The following CPA6 variants were observed in gnomAD, a reference collection of about 807,000 sequenced individuals.
CPA6 encodes carboxypeptidase B.
Under a neutral mutation model 63.3 loss-of-function variants are expected in CPA6, and 58 were observed. That is an observed-to-expected ratio of 0.92 (90% confidence interval 0.74 to 1.14). The LOEUF (loss-of-function observed/expected upper bound fraction) is 1.14. CPA6 is among the 50% of genes most tolerant of loss of function. The pLI is 0.00. For missense variants in CPA6, 565 were observed against 526.6 expected (o/e 1.07, Z -0.71); for synonymous variants, 185 against 179.0 (o/e 1.03, Z -0.27).
At chr8:67,511,283 C>T (rs1206713635) in intron 4 of CPA6, among the ~76,000 whole-genome samples, 6 of 152,102 alleles carry the variant, frequency 3.9e-5, no homozygotes, top group African/African-American at 1.4e-4. Context: ...CATTGTGCTT[C>T]CTATGTCCTA....
rs557978673 is a variant in CPA6 at position 67,692,463 on chromosome 8, A to G, written c.116+53551T>C. ...TATAATTTTTTTCCATGAGTCTAAC[A>G]TAATACATTTCACCACTCTGCTATT... On this transcript the variant is annotated intron_variant, in intron 1 of 10. Coordinates refer to ENST00000297770, the MANE Select transcript of CPA6 (RefSeq NM_020361.5). 9.3e-4 allele frequency among the ~76,000 whole-genome samples: 141 copies of G among 152,286 alleles called. 1 individual carries two copies. The highest frequency in any genetic ancestry group is 3.2e-3 in the African/African-American group (135 of 41,564).
At chr8:67,547,955 A>T (rs1008979740) in intron 2 of CPA6, among the ~76,000 whole-genome samples, 4 of 152,234 alleles carry the variant, frequency 2.6e-5, no homozygotes, top group Non-Finnish European at 5.9e-5. Context: ...ATAGGATTTT[A>T]AAGTTTCATT....
At position 67,556,214 on chromosome 8, in the gene CPA6, G is replaced by A. The variant is rs144954887; in HGVS notation, c.193-38167C>T. 6.4e-3 allele frequency among the ~76,000 whole-genome samples: 981 copies of A among 152,300 alleles called. 10 individuals are homozygous for A. The highest frequency in any genetic ancestry group is 0.022 in the African/African-American group (932 of 41,566). On this transcript the variant is annotated intron_variant, in intron 2 of 10. Coordinates refer to ENST00000297770, the MANE Select transcript of CPA6 (RefSeq NM_020361.5). ...ATAAGGGATTTATTATGGGAGATGG[G>A]GTTTCTGCGTTCGTAGGAGCTCAGG...
chr8:67,503,409 T>G (rs1424146940), intron 6 of CPA6, among the ~76,000 whole-genome samples: 1 of 150,976 alleles, frequency 6.6e-6, no homozygotes, highest in African/African-American at 2.4e-5. Context: ...AGGTCCTCCC[T>G]CCTCAGCCTC....
At chr8:67,521,542 T>C (rs767846183) in intron 2 of CPA6, among the ~76,000 whole-genome samples, 11 of 152,256 alleles carry the variant, frequency 7.2e-5, no homozygotes, top group Non-Finnish European at 1.0e-4. Context: ...TTTCTTATTA[T>C]TGCTATTTGA....
intron 2 of CPA6, among the ~76,000 whole-genome samples, chr8:67,555,935 G>A (rs142542573): frequency 1.3e-5 from 2 of 152,138 alleles, no homozygotes; most frequent in Non-Finnish European, 2.9e-5. Flanking sequence ...CAAGAAGTGT[G>A]TAAGGAACTA....
intron 2 of CPA6, among the ~76,000 whole-genome samples, chr8:67,573,460 C>A (rs1055152552): frequency 6.6e-6 from 1 of 152,104 alleles, no homozygotes; most frequent in Non-Finnish European, 1.5e-5. Context: ...AAATCAGTGG[C>A]ATTTCTCTAC....
intron 8 of CPA6, among the ~76,000 whole-genome samples, chr8:67,442,375 GTAATGTAATA>G (rs1810313131): frequency 6.6e-6 from 1 of 151,850 alleles, no homozygotes; most frequent in Middle Eastern, 3.5e-3. Flanking sequence ...GTAATATAGT[GTAATGTAATA>G]TAATGTAATA....
chr8:67,453,344 T>A (rs1810597514), intron 8 of CPA6, among the ~76,000 whole-genome samples: 1 of 152,134 alleles, frequency 6.6e-6, no homozygotes, highest in South Asian at 2.1e-4. Flanking sequence ...TCCATGGGTT[T>A]AAGGCCTGAG....
intron 1 of CPA6, among the ~76,000 whole-genome samples, chr8:67,660,900 C>T (rs1360770890): frequency 6.6e-6 from 1 of 152,130 alleles, no homozygotes; most frequent in African/African-American, 2.4e-5. Flanking sequence ...CCTTGGTTGT[C>T]ACAGAATTCT....
chr8:67,598,009 G>C (rs1293904121), intron 2 of CPA6, among the ~76,000 whole-genome samples: 1 of 152,192 alleles, frequency 6.6e-6, no homozygotes, highest in Non-Finnish European at 1.5e-5. Context: ...ATTTTAGGAT[G>C]TGAGATTTTT....
At chr8:67,475,828 T>C (rs1344033921) in intron 8 of CPA6, among the ~76,000 whole-genome samples, 1 of 52,558 alleles carries the variant, frequency 1.9e-5, no homozygotes, top group Non-Finnish European at 3.7e-5. Flanking sequence ...CTTTCTTTTC[T>C]TTCTTTCTTT....
rs540282992 is a variant in CPA6, at chr8:67,682,061, T to C, written c.117-57810A>G. ...TGACTTTTTTCCCTCCAGCTTCTTT[T>C]AGGATTTTCTCTTTATTTGTGGTTT... On this transcript the variant is annotated intron_variant, in intron 1 of 10. Coordinates refer to ENST00000297770, the MANE Select transcript of CPA6 (RefSeq NM_020361.5). 7.2e-5 allele frequency among the ~76,000 whole-genome samples: 11 copies of C among 152,312 alleles called. No homozygotes were observed. In the East Asian group the frequency reaches 2.1e-3, roughly 29 times the overall value.
intron 5 of CPA6, among the ~76,000 whole-genome samples, chr8:67,509,047 A>C (rs1811989900): frequency 6.6e-6 from 1 of 152,098 alleles, no homozygotes; most frequent in East Asian, 1.9e-4. Flanking sequence ...AAGAGAGCGA[A>C]GGGGGAAGTG....
At chr8:67,630,748 G>GGCT (rs1409106728) in intron 1 of CPA6, among the ~76,000 whole-genome samples, 4 of 152,212 alleles carry the variant, frequency 2.6e-5, no homozygotes, top group African/African-American at 9.6e-5. Context: ...CAGGAACCAG[G>GGCT]GCTGCGCACG....
chr8:67,442,787 C>T (rs1810322074), intron 8 of CPA6, among the ~76,000 whole-genome samples: 1 of 152,116 alleles, frequency 6.6e-6, no homozygotes, highest in Non-Finnish European at 1.5e-5. Context: ...CCACTTGCTA[C>T]CCTCTGGATC....
intron 1 of CPA6, among the ~76,000 whole-genome samples, chr8:67,726,476 A>G (rs962186490): frequency 6.6e-6 from 1 of 152,130 alleles, no homozygotes; most frequent in African/African-American, 2.4e-5. Context: ...ATGGTGCAAG[A>G]AACTGCTGGC....
chr8:67,637,697 T>G (rs1192693430), intron 1 of CPA6, among the ~76,000 whole-genome samples: 1 of 151,460 alleles, frequency 6.6e-6, no homozygotes, highest in African/African-American at 2.5e-5. Flanking sequence ...ACCTTATTAT[T>G]ATAAGGTAAC....
chr8:67,558,585 G>A (rs969554764), intron 2 of CPA6, among the ~76,000 whole-genome samples: 5 of 152,192 alleles, frequency 3.3e-5, no homozygotes, highest in Admixed American at 6.5e-5. Flanking sequence ...AGCCTACTCA[G>A]AACAAGTGGG....
Sources: allele counts gnomAD v4.1 joint callset (sites outside exome capture counted in the v4.1 genomes callset), GRCh38; gene constraint gnomAD v4.1.1; transcripts MANE v1.5; gene names NCBI Gene and HGNC (gene_info 2026-07-23, HGNC 2026-07-21).